The following THRB variants were observed in gnomAD, a reference collection of about 807,000 sequenced individuals.
The protein encoded by THRB is thyroid hormone receptor beta, also known as nuclear receptor subfamily 1 group A member 2.
Under a neutral mutation model 47.8 loss-of-function variants are expected in THRB, and 12 were observed. The ratio of observed to expected loss-of-function variants is 0.25; its 90% CI spans 0.16 to 0.41. THRB has a LOEUF of 0.41. Among genes scored for constraint, THRB ranks in the 10% least tolerant of loss-of-function variants. The pLI is 1.00. For synonymous variants in THRB, 218 were observed against 212.2 expected (o/e 1.03, Z -0.24); for missense variants, 348 against 589.2 (o/e 0.59, Z 4.24).
intron 4 of THRB, among the ~76,000 whole-genome samples, chr3:24,212,577 C>CAAAAAAAAAAAAAA (rs1199010853): frequency 2.4e-5 from 2 of 84,088 alleles, no homozygotes; most frequent in Non-Finnish European, 2.3e-5. Flanking sequence ...GACTCCGTCT[C>CAAAAAAAAAAAAAA]AAAAAAAAAA....
chr3:24,203,902 C>T (rs1360431085), intron 4 of THRB, among the ~76,000 whole-genome samples: 1 of 152,238 alleles, frequency 6.6e-6, no homozygotes, highest in East Asian at 1.9e-4. Flanking sequence ...CGGAGCCTTG[C>T]TCATTGCTAG....
At chr3:24,199,398 C>A (rs1328011213) in intron 4 of THRB, among the ~76,000 whole-genome samples, 1 of 152,206 alleles carries the variant, frequency 6.6e-6, no homozygotes, top group Non-Finnish European at 1.5e-5. Flanking sequence ...TTAATTTTCT[C>A]TCTTGTTGAG....
At chr3:24,253,991 A>T (rs758322984) in intron 3 of THRB, among the ~76,000 whole-genome samples, 1 of 150,230 alleles carries the variant, frequency 6.7e-6, no homozygotes, top group Non-Finnish European at 1.5e-5. Flanking sequence ...AGCTGTTATC[A>T]TTTTGAACTG....
intron 7 of THRB, among the ~76,000 whole-genome samples, chr3:24,145,593 A>G (rs826385): frequency 0.39 from 59,175 of 152,050 alleles, 11,833 homozygotes; most frequent in East Asian, 0.61. Context: ...GAAAATACTC[A>G]GCCAGAGGTG....
rs1018815020 is a variant in THRB at position 24,284,522 on chromosome 3, G to C, written c.-43+12704C>G. Among the ~76,000 whole-genome samples, 7 of 151,976 alleles carry C rather than the reference G, an allele frequency of 4.6e-5. No individual in the cohort carries two copies. The East Asian group carries it at 1.2e-3, about 25-fold the overall frequency. On this transcript the variant is annotated intron_variant, in intron 3 of 10. Transcript: ENST00000646209. ...TTGCCATTCAGGACATAGGCATGGG[G>C]AAAGACTTCATGTCTAAAACACCAA... is the stretch of plus-strand genomic sequence containing the variant.
In THRB at chr3:24,360,449, T is replaced by C. The variant is rs111919603; in HGVS notation, c.-260-23078A>G. 2.3e-3 allele frequency among the ~76,000 whole-genome samples: 353 copies of C among 152,318 alleles called. 4 individuals carry two copies. The highest frequency in any genetic ancestry group is 8.2e-3 in the African/African-American group (342 of 41,582). ...AAAGCTGCATTTAATACGCAGGCGA[T>C]GCATATTAACATTAAAGTTTTTGAA... is the stretch of plus-strand genomic sequence containing the variant. On this transcript the variant is annotated intron_variant, in intron 1 of 10. Coordinates refer to ENST00000646209, the MANE Select transcript of THRB (RefSeq NM_001354712.2).
chr3:24,159,737 G>C (rs1377136184), intron 5 of THRB, among the ~76,000 whole-genome samples: 1 of 46,878 alleles, frequency 2.1e-5, no homozygotes, highest in Non-Finnish European at 3.7e-5. Flanking sequence ...CTGTGTGTGT[G>C]TGTGTGTGTG....
intron 4 of THRB, among the ~76,000 whole-genome samples, chr3:24,195,599 A>T (rs1227585118): frequency 6.6e-6 from 1 of 152,224 alleles, no homozygotes; most frequent in Non-Finnish European, 1.5e-5. Context: ...GGTTCTTAAA[A>T]TAATCTGATG....
chr3:24,175,956 C>T (rs2041092986), intron 5 of THRB, among the ~76,000 whole-genome samples: 1 of 152,080 alleles, frequency 6.6e-6, no homozygotes, highest in Non-Finnish European at 1.5e-5. Context: ...ATCACTTTTC[C>T]CACTTCCACG....
rs771317143 is a variant in THRB, at chr3:24,118,411, A to C, written c.*4473T>G. Reference sequence around the variant, plus strand: ...AGAGTTTTAGGCTGAAAAAAATATCACCATCTAGCAATATCACTTAACACT... The same window carrying C: ...AGAGTTTTAGGCTGAAAAAAATATCCCCATCTAGCAATATCACTTAACACT... On this transcript the variant is annotated 3_prime_UTR_variant, in exon 11 of 11. Coordinates refer to ENST00000646209, the MANE Select transcript of THRB (RefSeq NM_001354712.2). The C allele has an allele frequency of 4.6e-5, 7 of 152,772 alleles. No homozygotes were observed. Among genetic ancestry groups the C allele is most frequent in the Non-Finnish European group, 8.8e-5 (6 of 68,032 alleles). 9.5% of individuals were successfully genotyped at this position (152,772 alleles called of 1,614,324 possible).
At chr3:24,441,877 G>A (rs1456354908) in intron 1 of THRB, among the ~76,000 whole-genome samples, 2 of 151,854 alleles carry the variant, frequency 1.3e-5, no homozygotes, top group African/African-American at 4.9e-5. Flanking sequence ...TTCCCTGTAA[G>A]TTGCTGGCTC....
intron 3 of THRB, among the ~76,000 whole-genome samples, chr3:24,269,804 C>A (rs1454380150): frequency 6.6e-6 from 1 of 152,110 alleles, no homozygotes; most frequent in African/African-American, 2.4e-5. Context: ...TTCACCTTGA[C>A]AAGTATTTTG....
chr3:24,335,729 T>A (rs1398583993), intron 2 of THRB, among the ~76,000 whole-genome samples: 1 of 152,224 alleles, frequency 6.6e-6, no homozygotes, highest in African/African-American at 2.4e-5. Context: ...TTTCTAGAAC[T>A]ACATAAAATG....
chr3:24,288,053 A>G (rs1010370373), intron 3 of THRB, among the ~76,000 whole-genome samples: 1 of 152,228 alleles, frequency 6.6e-6, no homozygotes, highest in Non-Finnish European at 1.5e-5. Context: ...ACACATCATG[A>G]TACCAGTAGC....
chr3:24,192,018 G>A (rs1559557904), intron 4 of THRB, among the ~76,000 whole-genome samples: 1 of 152,088 alleles, frequency 6.6e-6, no homozygotes, highest in Non-Finnish European at 1.5e-5. Context: ...CATTGTATTA[G>A]GCACATTATA....
At chr3:24,382,798 G>A (rs1053681459) in intron 1 of THRB, among the ~76,000 whole-genome samples, 5 of 151,942 alleles carry the variant, frequency 3.3e-5, no homozygotes, top group African/African-American at 7.3e-5. Flanking sequence ...CTACTTTCAC[G>A]CTAGTCCAAA....
chr3:24,208,644 A>G (rs1394352809), intron 4 of THRB, among the ~76,000 whole-genome samples: 5 of 152,254 alleles, frequency 3.3e-5, no homozygotes, highest in Non-Finnish European at 7.3e-5. Context: ...CTGGGTAGCC[A>G]TATGTAGAAA....
At chr3:24,438,559 G>T (rs930795656) in intron 1 of THRB, among the ~76,000 whole-genome samples, 1 of 149,010 alleles carries the variant, frequency 6.7e-6, no homozygotes, top group Non-Finnish European at 1.5e-5. Flanking sequence ...TTTCTTTAAA[G>T]AATAAAATGG....
intron 1 of THRB, among the ~76,000 whole-genome samples, chr3:24,452,479 T>C (rs1434128884): frequency 6.6e-6 from 1 of 151,966 alleles, no homozygotes; most frequent in Non-Finnish European, 1.5e-5. Flanking sequence ...GTCCAAGTCA[T>C]CCAAGAAAAT....
Sources: gnomAD v4.1 joint callset for allele counts (sites outside exome capture counted in the v4.1 genomes callset) on GRCh38, gnomAD v4.1.1 for gene constraint, MANE v1.5 for transcripts, NCBI Gene and HGNC (gene_info 2026-07-23, HGNC 2026-07-21) for gene names.